Variants in KAZN observed in about 807,000 individuals in gnomAD.
KAZN encodes the protein kazrin.
Under a neutral mutation model 87.4 loss-of-function variants are expected in KAZN, and 40 were observed. The ratio of observed to expected loss-of-function variants is 0.46; its 90% confidence interval spans 0.36 to 0.60. The LOEUF is 0.60. Ranked by LOEUF, KAZN falls within the 20% of genes least tolerant of loss-of-function variation. KAZN has a pLI of 0.00. For synonymous variants in KAZN, 466 were observed against 458.3 expected (o/e 1.02, Z -0.22); for missense variants, 898 against 1,073.9 (o/e 0.84, Z 2.29).
chr1:14,202,045 A>G (rs1000525413), intron 2 of KAZN, among the ~76,000 whole-genome samples: 2 of 152,120 alleles, frequency 1.3e-5, no homozygotes, highest in African/African-American at 4.8e-5. Context: ...CTGTGTAATC[A>G]CTTTAATTTA....
intron 2 of KAZN, among the ~76,000 whole-genome samples, chr1:14,514,111 GAGATCGAGACCACCCT>G (rs1671071839): frequency 6.7e-6 from 1 of 149,118 alleles, no homozygotes; most frequent in South Asian, 2.1e-4. Context: ...ACGATGTCAG[GAGATCGAGACCACCCT>G]GGCTAACACA....
rs761770809 is a variant in KAZN at position 15,112,490 on chromosome 1, G to A, written c.2112G>A (p.Thr704=). The change falls in exon 14 of 15, where the codon ACG becomes ACA. Residue 704 remains threonine (T), a synonymous_variant. Coordinates refer to ENST00000376030, the MANE Select transcript of KAZN (RefSeq NM_201628.3). ...CCCCTGGCAGGGCCTCCAGCGTCAC[G>A]CGGGCAGGAAAGGAGGAGAACAGCA... The part of the protein sequence containing the change: ...GTPPGRASSV[T]RAGKEENSSG... 81 of 1,605,500 alleles carry A rather than the reference G, an allele frequency of 5.0e-5. No homozygotes were observed. The highest frequency in any genetic ancestry group is 5.9e-5 in the Non-Finnish European group (70 of 1,177,078).
chr1:14,755,191 T>G (rs1644527420), intron 1 of KAZN, among the ~76,000 whole-genome samples: 1 of 151,690 alleles, frequency 6.6e-6, no homozygotes, highest in Admixed American at 6.6e-5. Context: ...AGACGGAGGT[T>G]GCAGTGAGCC....
chr1:14,524,253 C>G (rs1321538955), intron 2 of KAZN, among the ~76,000 whole-genome samples: 1 of 152,090 alleles, frequency 6.6e-6, no homozygotes, highest in Non-Finnish European at 1.5e-5. Context: ...AACTCCTGAC[C>G]TCAAGTGGTC....
At position 14,699,078 on chromosome 1, in the gene KAZN, C is replaced by T. The variant is rs567111002; in HGVS notation, c.226+99855C>T. 3.3e-5 allele frequency among the ~76,000 whole-genome samples: 5 copies of T among 152,344 alleles called. No individual in the cohort carries two copies. The East Asian group carries it at 5.8e-4, about 18-fold the overall frequency. On this transcript the variant is annotated intron_variant, in intron 1 of 14. Transcript: ENST00000376030. ...CACATAGGAAAGCCCCAGTAAAGAA[C>T]TCCTGGATACCTTCAACCAGAGCAG...
chr1:15,011,918 C>T (rs987040278), intron 2 of KAZN, among the ~76,000 whole-genome samples: 1 of 152,104 alleles, frequency 6.6e-6, no homozygotes, highest in Non-Finnish European at 1.5e-5. Flanking sequence ...TCCAAGCCCC[C>T]TCCTCTGTGT....
chr1:14,729,144 T>C (rs1309061817), intron 1 of KAZN, among the ~76,000 whole-genome samples: 1 of 152,158 alleles, frequency 6.6e-6, no homozygotes, highest in African/African-American at 2.4e-5. Flanking sequence ...GAAGGGGCTG[T>C]GTCACTGGAT....
intron 1 of KAZN, among the ~76,000 whole-genome samples, chr1:14,842,150 A>G (rs77346992): frequency 0.032 from 4,798 of 152,058 alleles, 90 homozygotes; most frequent in Middle Eastern, 0.054. Flanking sequence ...CCCAACCCCC[A>G]CTAGAATGTA....
intron 2 of KAZN, among the ~76,000 whole-genome samples, chr1:14,454,487 A>C (rs1350513607): frequency 1.3e-5 from 2 of 152,032 alleles, no homozygotes; most frequent in Non-Finnish European, 2.9e-5. Context: ...AGAATTCCCC[A>C]CCTCTTCTGG....
rs1433429874 is a variant in KAZN at position 14,773,036 on chromosome 1, C to T, written c.226+173813C>T. 6.6e-6 allele frequency among the ~76,000 whole-genome samples: 1 copy of T among 152,130 alleles called. No individual in the cohort carries two copies. Among genetic ancestry groups the T allele is most frequent in the African/African-American group, 2.4e-5 (1 of 41,412 alleles). On this transcript the variant is annotated intron_variant, in intron 1 of 14. Coordinates refer to ENST00000376030, the MANE Select transcript of KAZN (RefSeq NM_201628.3). This position sits in a 1 kb window ranked among gnomAD's most constrained non-coding sequence, Gnocchi z 5.9. The stretch of plus-strand genomic sequence containing the variant: ...TATGAATGTCCACAGGCGGCCTCTT[C>T]ATGGGGGTCTCAGGAAATGGGCATT...
At chr1:14,044,391 C>CT (rs1439749888) in intron 1 of KAZN, among the ~76,000 whole-genome samples, 2 of 31,298 alleles carry the variant, frequency 6.4e-5, no homozygotes, top group Admixed American at 6.0e-4. Context: ...CACTGTTCCG[C>CT]CCCCCACCAA....
chr1:14,261,276 T>C (rs1414006751), intron 2 of KAZN, among the ~76,000 whole-genome samples: 2 of 152,216 alleles, frequency 1.3e-5, no homozygotes, highest in Non-Finnish European at 2.9e-5. Flanking sequence ...AGGTATTTCA[T>C]GAAGATGCAT....
At chr1:14,839,946 G>A (rs1647749211) in intron 1 of KAZN, among the ~76,000 whole-genome samples, 1 of 152,050 alleles carries the variant, frequency 6.6e-6, no homozygotes, top group Non-Finnish European at 1.5e-5. Flanking sequence ...GAGCCAAATG[G>A]TCTCTGTCCT....
chr1:14,226,936 C>T (rs1647345761), intron 2 of KAZN, among the ~76,000 whole-genome samples: 1 of 152,152 alleles, frequency 6.6e-6, no homozygotes, highest in Admixed American at 6.6e-5. Context: ...TGTAAACCTA[C>T]AGGTTGGGTA....
intron 8 of KAZN, among the ~76,000 whole-genome samples, chr1:15,075,400 ATCT>A (rs748470628): frequency 1.3e-5 from 2 of 152,230 alleles, no homozygotes; most frequent in Non-Finnish European, 2.9e-5. Context: ...ATGAAAGAAA[ATCT>A]TCTACCTTTA....
intron 1 of KAZN, among the ~76,000 whole-genome samples, chr1:14,906,444 G>T (rs1382357575): frequency 6.6e-6 from 1 of 151,990 alleles, no homozygotes; most frequent in Non-Finnish European, 1.5e-5. Flanking sequence ...ACAGGAGCTT[G>T]CTGGGTCATG....
At chr1:14,614,645 C>A (rs1183868211) in intron 1 of KAZN, among the ~76,000 whole-genome samples, 1 of 152,208 alleles carries the variant, frequency 6.6e-6, no homozygotes, top group African/African-American at 2.4e-5. Flanking sequence ...GAGGACTTTT[C>A]CGTTCATGGT....
At position 13,953,536 on chromosome 1, in the gene KAZN, A is replaced by G. The variant is rs972090306; in HGVS notation, c.91+59780A>G. ...CTCCCACCAGCCCTTTTCTTCTAGC[A>G]TTTAGTGTTGCTAATGATAGTTCTG... On this transcript the variant is annotated intron_variant, in intron 1 of 16. Transcript: ENST00000636203. 2.0e-5 allele frequency among the ~76,000 whole-genome samples: 3 copies of G among 152,198 alleles called. No individual in the cohort carries two copies. The East Asian group carries it at 5.8e-4, about 29-fold the overall frequency.
chr1:14,804,222 G>A (rs1646132351), intron 1 of KAZN, among the ~76,000 whole-genome samples: 1 of 152,224 alleles, frequency 6.6e-6, no homozygotes, highest in Non-Finnish European at 1.5e-5. Flanking sequence ...AGAGAGGCCA[G>A]CCCTGGAAAC....
Sources: allele counts gnomAD v4.1 joint callset (sites outside exome capture counted in the v4.1 genomes callset), GRCh38; gene constraint gnomAD v4.1.1; non-coding constraint Gnocchi (gnomAD v3.1); transcripts MANE v1.5; gene names NCBI Gene and HGNC (gene_info 2026-07-23, HGNC 2026-07-21).